Variants in ITGA9 observed in about 807,000 individuals in gnomAD.
The protein encoded by ITGA9 is integrin subunit alpha 9.
A neutral mutation model predicts 127.8 loss-of-function variants in ITGA9; 56 were observed. That is an observed-to-expected ratio of 0.44 (90% confidence interval 0.35 to 0.55). The LOEUF (loss-of-function observed/expected upper bound fraction) is 0.55. Ranked by LOEUF, ITGA9 falls within the 20% of genes least tolerant of loss-of-function variation. ITGA9 has a pLI of 0.00. For missense variants in ITGA9, 1,196 were observed against 1,347.1 expected, an observed-to-expected ratio of 0.89 and a Z score of 1.76; for synonymous variants, 508 against 514.5, an observed-to-expected ratio of 0.99 and a Z score of 0.17.
chr3:37,453,120 C>T (rs78489361), intron 1 of ITGA9, among the ~76,000 whole-genome samples: 1 of 129,364 alleles, frequency 7.7e-6, no homozygotes, highest in South Asian at 2.6e-4. Flanking sequence ...CCGGCGCCCC[C>T]CCCCCCCCCC....
intron 6 of ITGA9, among the ~76,000 whole-genome samples, chr3:37,504,770 AG>A (rs981090672): frequency 3.9e-5 from 6 of 152,164 alleles, no homozygotes; most frequent in Non-Finnish European, 8.8e-5. Flanking sequence ...GAATACTCTT[AG>A]GTACTATCAG....
intron 15 of ITGA9, among the ~76,000 whole-genome samples, chr3:37,619,760 C>T (rs1700110118): frequency 6.6e-6 from 1 of 152,224 alleles, no homozygotes; most frequent in Admixed American, 6.5e-5. Context: ...GGTCTTGCTC[C>T]AGGCTCTCAT....
At chr3:37,497,949 C>T (rs982758677) in intron 5 of ITGA9, among the ~76,000 whole-genome samples, 5 of 152,006 alleles carry the variant, frequency 3.3e-5, no homozygotes, top group African/African-American at 9.7e-5. Context: ...GGTAGGAGGC[C>T]GTGAAGCAAC....
At chr3:37,604,486 A>G (rs1699949012) in intron 15 of ITGA9, among the ~76,000 whole-genome samples, 1 of 152,224 alleles carries the variant, frequency 6.6e-6, no homozygotes, top group African/African-American at 2.4e-5. Flanking sequence ...GGAGGGTAGC[A>G]GAAAACAAGT....
chr3:37,741,735 A>G lies in ITGA9; in HGVS notation c.2240A>G (p.Asn747Ser). The G allele has an allele frequency of 6.2e-7, 1 of 1,613,422 alleles. No individual in the cohort carries two copies. The highest frequency in any genetic ancestry group is 2.2e-5 in the East Asian group (1 of 44,860). ...LSFIVTAQSG[N>S]TERSESLHDN... ...ATTCTCCTCTCTCTGCACAGTGGCA[A>G]CACGGAGCGCTCTGAATCCCTGCAT... The change falls in exon 21 of 28, where the codon AAC becomes AGC. Residue 747 changes from asparagine to serine, a missense_variant. Physicochemically the swap from Asn to Ser is conservative, Grantham distance 46. Coordinates refer to ENST00000264741, the MANE Select transcript of ITGA9 (RefSeq NM_002207.3).
chr3:37,749,489 C>T (rs960086635), intron 22 of ITGA9: 1 of 152,412 alleles, frequency 6.6e-6, no homozygotes, highest in African/African-American at 2.4e-5. Context: ...TGCTCCCCAG[C>T]CCTAGGCAAC....
At chr3:37,704,583 C>T (rs1700983635) in intron 18 of ITGA9, among the ~76,000 whole-genome samples, 1 of 152,178 alleles carries the variant, frequency 6.6e-6, no homozygotes, top group African/African-American at 2.4e-5. Flanking sequence ...CTTGGGCTGT[C>T]TGCACACACT....
In ITGA9 at chr3:37,527,596, T is replaced by C. The variant is rs559769517; in HGVS notation, c.1373+1525T>C. 2.0e-5 allele frequency among the ~76,000 whole-genome samples: 3 copies of C among 152,306 alleles called. No homozygotes were observed. In the South Asian group the frequency reaches 6.2e-4, roughly 32 times the overall value. ...TCACTTTCTTTATCAGCGCTTCCTCTGGATAAAACAGCTTTTGTGGCTCCA... is the reference window on the plus strand; with the variant it reads ...TCACTTTCTTTATCAGCGCTTCCTCCGGATAAAACAGCTTTTGTGGCTCCA... On this transcript the variant is annotated intron_variant, in intron 13 of 27. Coordinates refer to ENST00000264741, the MANE Select transcript of ITGA9 (RefSeq NM_002207.3).
At chr3:37,561,536 A>C (rs1377850096) in intron 15 of ITGA9, among the ~76,000 whole-genome samples, 1 of 152,246 alleles carries the variant, frequency 6.6e-6, no homozygotes, top group Non-Finnish European at 1.5e-5. Context: ...TCACACTTAC[A>C]AAAGTTAAGA....
chr3:37,702,337 C>T (rs1168885737), intron 18 of ITGA9, among the ~76,000 whole-genome samples: 1 of 152,204 alleles, frequency 6.6e-6, no homozygotes, highest in Non-Finnish European at 1.5e-5. Flanking sequence ...ACACTATGCA[C>T]ACACTTCTCC....
intron 26 of ITGA9, among the ~76,000 whole-genome samples, chr3:37,785,891 G>A (rs777709651): frequency 2.6e-5 from 4 of 152,174 alleles, no homozygotes; most frequent in Non-Finnish European, 5.9e-5. Context: ...TGGCACCAAG[G>A]CCTCAGAGAC....
At chr3:37,704,131 T>A (rs192451065) in intron 18 of ITGA9, among the ~76,000 whole-genome samples, 1 of 152,334 alleles carries the variant, frequency 6.6e-6, no homozygotes, top group East Asian at 1.9e-4. Context: ...TGCCAGGTGC[T>A]TTGTGAATTA....
At chr3:37,746,154 C>T (rs1487382462) in intron 22 of ITGA9, among the ~76,000 whole-genome samples, 1 of 152,136 alleles carries the variant, frequency 6.6e-6, no homozygotes. Context: ...GGAAGGAGGC[C>T]AGGAATACGG....
At chr3:37,608,954 A>G (rs903483548) in intron 15 of ITGA9, among the ~76,000 whole-genome samples, 4 of 152,148 alleles carry the variant, frequency 2.6e-5, no homozygotes, top group African/African-American at 7.2e-5. Context: ...TGTTTGGAAG[A>G]GCCTCTGCCC....
At position 37,481,575 on chromosome 3, in the gene ITGA9, C is replaced by T; in HGVS notation, c.512C>T (p.Ala171Val). 1 of 1,614,194 alleles carries T rather than the reference C, an allele frequency of 6.2e-7. No individual in the cohort carries two copies. Among genetic ancestry groups the T allele is most frequent in the Non-Finnish European group, 8.5e-7 (1 of 1,180,026 alleles). ...TACATCATCCCCTCCAACCTCCAGG[C>T]CAAAGGCAGGACGCTGATCCCTTGC... ...FCYIIPSNLQ[A>V]KGRTLIPCYE... The change falls in exon 4 of 28, where the codon GCC becomes GTC. Residue 171 changes from alanine to valine, a missense_variant. Transcript: ENST00000264741.
At chr3:37,588,482 C>T (rs1238918002) in intron 15 of ITGA9, among the ~76,000 whole-genome samples, 1 of 152,218 alleles carries the variant, frequency 6.6e-6, no homozygotes, top group Non-Finnish European at 1.5e-5. Context: ...CTTTACAGTG[C>T]AGGGGACAAA....
At chr3:37,492,438 C>T (rs879810920) in intron 4 of ITGA9, among the ~76,000 whole-genome samples, 2 of 152,246 alleles carry the variant, frequency 1.3e-5, no homozygotes, top group Non-Finnish European at 1.5e-5. Flanking sequence ...CCCTTGCTGG[C>T]CTTCAGCCTG....
At chr3:37,608,486 A>G (rs1296028604) in intron 15 of ITGA9, among the ~76,000 whole-genome samples, 1 of 152,224 alleles carries the variant, frequency 6.6e-6, no homozygotes, top group South Asian at 2.1e-4. Flanking sequence ...TTGTAGTTTT[A>G]TAAAGAATGC....
At position 37,779,918 on chromosome 3, in the gene ITGA9, G is replaced by A. The variant is rs766573100; in HGVS notation, c.2684G>A (p.Gly895Glu). 2 of 1,614,064 alleles carry A rather than the reference G, an allele frequency of 1.2e-6. No homozygotes were observed. Among genetic ancestry groups the A allele is most frequent in the African/African-American group, 2.7e-5 (2 of 75,050 alleles). ...TCTTCTCAGGACTGTGAAAAACCAGGAATTTCTTGCCTAACAGCACACTGT... is the reference window on the plus strand; with the variant it reads ...TCTTCTCAGGACTGTGAAAAACCAGAAATTTCTTGCCTAACAGCACACTGT... ...GRKVLDCEKP[G>E]ISCLTAHCNF... is the part of the protein sequence containing the mutation. Residue 895 changes from glycine (G) to glutamate (E), a missense_variant, in exon 25 of 28, where the codon GGA becomes GAA. By Grantham distance (98) the Gly-to-Glu change is moderately conservative. Coordinates refer to ENST00000264741, the MANE Select transcript of ITGA9 (RefSeq NM_002207.3).
Sources: gnomAD v4.1 joint callset for allele counts (sites outside exome capture counted in the v4.1 genomes callset) on GRCh38, gnomAD v4.1.1 for gene constraint, MANE v1.5 for transcripts, NCBI Gene and HGNC (gene_info 2026-07-23, HGNC 2026-07-21) for gene names.